The following LRRC37A2 variants were observed in gnomAD, a reference collection of about 807,000 sequenced individuals.
LRRC37A2 encodes leucine rich repeat containing 37 member A2.
Under a neutral mutation model 68.8 loss-of-function variants are expected in LRRC37A2, and 9 were observed. That is an observed-to-expected ratio of 0.13 (90% CI 0.08 to 0.23). LRRC37A2 has a LOEUF of 0.23. LRRC37A2 is among the 10% of genes least tolerant of loss of function. The probability of loss-of-function intolerance (pLI) is 1.00; values close to 1 mark genes in which losing one functional copy is unlikely to be tolerated. For missense variants in LRRC37A2, 168 were observed against 950.4 expected (o/e 0.18, Z 10.82); for synonymous variants, 63 against 367.6 (o/e 0.17, Z 9.48).
the LRRC37A2 span, among the ~76,000 whole-genome samples, chr17:46,761,319 G>GTT: frequency 6.6e-5 from 10 of 150,824 alleles, no homozygotes; most frequent in African/African-American, 1.7e-4. Flanking sequence ...TTATTTTCCT[G>GTT]GTTTTTTTTT....
the LRRC37A2 span, among the ~76,000 whole-genome samples, chr17:46,836,095 C>CTGTGTGTGTGT: frequency 7.9e-6 from 1 of 126,434 alleles, no homozygotes; most frequent in African/African-American, 3.2e-5. Context: ...GAGACGCTGA[C>CTGTGTGTGTGT]GTGTGTGTGT....
At chr17:46,989,374 T>C in the LRRC37A2 span, among the ~76,000 whole-genome samples, 2 of 152,240 alleles carry the variant, frequency 1.3e-5, no homozygotes, top group Non-Finnish European at 2.9e-5. Context: ...ATCTTGCCCC[T>C]TGTTTTGTCT....
the LRRC37A2 span, chr17:46,710,869 A>G: frequency 2.7e-6 from 3 of 1,093,822 alleles, no homozygotes; most frequent in East Asian, 8.7e-5. Context: ...ATAGTGATCA[A>G]TACCTTTAGC....
At chr17:46,816,475 G>GCACGCACACA in the LRRC37A2 span, among the ~76,000 whole-genome samples, 92 of 144,364 alleles carry the variant, frequency 6.4e-4, no homozygotes, top group African/African-American at 2.2e-3. Context: ...CAGAACACAC[G>GCACGCACACA]CACACACACA....
the LRRC37A2 span, among the ~76,000 whole-genome samples, chr17:46,962,811 T>C: frequency 6.6e-6 from 1 of 152,212 alleles, no homozygotes; most frequent in African/African-American, 2.4e-5. Flanking sequence ...GATAATGAAG[T>C]GGCTACCATA....
At chr17:46,914,375 G>A in the LRRC37A2 span, among the ~76,000 whole-genome samples, 20 of 152,062 alleles carry the variant, frequency 1.3e-4, no homozygotes, top group African/African-American at 4.3e-4. Flanking sequence ...TCGGCTGGGC[G>A]CAGTGGCTCA....
At chr17:46,418,215 T>TTTGTGTG in the LRRC37A2 span, among the ~76,000 whole-genome samples, 1 of 62,630 alleles carries the variant, frequency 1.6e-5, no homozygotes, top group Admixed American at 1.7e-4. Flanking sequence ...GTGTGTGTGT[T>TTTGTGTG]TGTGTGTGTG....
the LRRC37A2 span, among the ~76,000 whole-genome samples, chr17:46,708,031 CAAAAAAAA>C: frequency 0.08 from 6,871 of 85,534 alleles, 526 homozygotes; most frequent in African/African-American, 0.24. Flanking sequence ...GACCCTGTCT[CAAAAAAAA>C]AAAAAAAAAA....
At chr17:46,868,918 G>C in the LRRC37A2 span, among the ~76,000 whole-genome samples, 73 of 152,278 alleles carry the variant, frequency 4.8e-4, no homozygotes, top group African/African-American at 1.7e-3. Flanking sequence ...AGCATGTGTC[G>C]GATAATTCAC....
At chr17:46,988,255 A>G in the LRRC37A2 span, among the ~76,000 whole-genome samples, 1 of 152,230 alleles carries the variant, frequency 6.6e-6, no homozygotes, top group East Asian at 1.9e-4. Context: ...GTATGATTCC[A>G]TTTGTATGAA....
chr17:46,999,328 A>G, the LRRC37A2 span, among the ~76,000 whole-genome samples: 10 of 152,074 alleles, frequency 6.6e-5, no homozygotes, highest in African/African-American at 2.4e-4. Flanking sequence ...ATCGTGCCTG[A>G]CCCACCAGAA....
the LRRC37A2 span, among the ~76,000 whole-genome samples, chr17:46,766,965 A>C: frequency 6.6e-6 from 1 of 152,140 alleles, no homozygotes; most frequent in Admixed American, 6.6e-5. Flanking sequence ...CAGGTCTATG[A>C]AGAATTTCTT....
At chr17:46,770,127 A>T in the LRRC37A2 span, 12 of 1,458,578 alleles carry the variant, frequency 8.2e-6, no homozygotes, top group Non-Finnish European at 9.0e-6. Flanking sequence ...CCAGGCCAGG[A>T]CGTGAGGGGA....
chr17:47,006,252 T>G, the LRRC37A2 span, among the ~76,000 whole-genome samples: 1 of 152,156 alleles, frequency 6.6e-6, no homozygotes, highest in Non-Finnish European at 1.5e-5. Flanking sequence ...TCCTTCGAGC[T>G]GGCAAGAGGA....
the LRRC37A2 span, among the ~76,000 whole-genome samples, chr17:46,745,882 A>C: frequency 2.0e-5 from 3 of 152,164 alleles, no homozygotes; most frequent in Non-Finnish European, 4.4e-5. Context: ...TAATTACCTC[A>C]ACACCCAGCT....
chr17:46,993,082 T>C, the LRRC37A2 span, among the ~76,000 whole-genome samples: 2,332 of 152,030 alleles, frequency 0.015, 46 homozygotes, highest in African/African-American at 0.054. Context: ...GATTTTTTTT[T>C]TTTTTTTGCT....
At chr17:46,819,425 C>A in the LRRC37A2 span, among the ~76,000 whole-genome samples, 1 of 152,108 alleles carries the variant, frequency 6.6e-6, no homozygotes, top group Non-Finnish European at 1.5e-5. The surrounding 1 kb of genome is among the most constrained non-coding windows in gnomAD (Gnocchi z 5.3). Flanking sequence ...CTGACACCAG[C>A]GGCCAGTCGC....
the LRRC37A2 span, among the ~76,000 whole-genome samples, chr17:46,801,029 T>C: frequency 6.6e-6 from 1 of 152,184 alleles, no homozygotes; most frequent in Non-Finnish European, 1.5e-5. Flanking sequence ...TGTGTCTAAC[T>C]CACTGAGTAC....
At chr17:46,891,653 G>A in the LRRC37A2 span, among the ~76,000 whole-genome samples, 9 of 152,246 alleles carry the variant, frequency 5.9e-5, no homozygotes, top group South Asian at 2.1e-4. Context: ...AATTATCACC[G>A]CCATGAAATG....
Sources: gnomAD v4.1 joint callset for allele counts (sites outside exome capture counted in the v4.1 genomes callset) on GRCh38, gnomAD v4.1.1 for gene constraint, Gnocchi (gnomAD v3.1) non-coding constraint, MANE v1.5 for transcripts, NCBI Gene and HGNC (gene_info 2026-07-23, HGNC 2026-07-21) for gene names.